CNTNAP5: variants seen among roughly 807,000 people sequenced by gnomAD.
CNTNAP5 encodes contactin-associated protein-like 5.
In CNTNAP5, 72 loss-of-function variants were observed where a neutral mutation model predicts 150.2. That is an observed-to-expected ratio of 0.48 (90% CI 0.40 to 0.58). The LOEUF (loss-of-function observed/expected upper bound fraction) is 0.58, where lower values mean the gene tolerates loss of function less well. Among genes scored for constraint, CNTNAP5 ranks in the 20% least tolerant of loss-of-function variants. CNTNAP5 has a pLI of 0.00. For synonymous variants in CNTNAP5, 672 were observed against 619.8 expected (o/e 1.08, Z -1.25); for missense variants, 1,636 against 1,626.2 (o/e 1.01, Z -0.10).
At chr2:124,497,307 G>A (rs1558927747) in intron 7 of CNTNAP5, among the ~76,000 whole-genome samples, 1 of 152,096 alleles carries the variant, frequency 6.6e-6, no homozygotes, top group African/African-American at 2.4e-5. Flanking sequence ...TTTGACTAGA[G>A]GTATAATGCC....
chr2:124,809,119 C>T (rs920802655), intron 19 of CNTNAP5, among the ~76,000 whole-genome samples: 2 of 152,078 alleles, frequency 1.3e-5, no homozygotes, highest in African/African-American at 4.8e-5. Context: ...GATCACCAGA[C>T]AGTAAAGCCC....
chr2:124,458,183 A>C (rs757890530), intron 6 of CNTNAP5, among the ~76,000 whole-genome samples: 1 of 137,608 alleles, frequency 7.3e-6, no homozygotes, highest in Non-Finnish European at 1.5e-5. Flanking sequence ...TCAATCAATT[A>C]GTGGATAAAG....
chr2:124,292,456 C>T (rs1001574005), intron 3 of CNTNAP5, among the ~76,000 whole-genome samples: 2 of 151,900 alleles, frequency 1.3e-5, no homozygotes, highest in Non-Finnish European at 2.9e-5. Context: ...TTTTAAAAAC[C>T]CATAATTACA....
chr2:124,372,798 A>G (rs1690560866), intron 3 of CNTNAP5, among the ~76,000 whole-genome samples: 1 of 152,240 alleles, frequency 6.6e-6, no homozygotes, highest in African/African-American at 2.4e-5. Flanking sequence ...TAACTGGTAC[A>G]TGTACCAAGA....
chr2:124,292,599 C>G (rs1183122722), intron 3 of CNTNAP5, among the ~76,000 whole-genome samples: 2 of 151,812 alleles, frequency 1.3e-5, no homozygotes, highest in Non-Finnish European at 2.9e-5. Context: ...TCAATCTGAT[C>G]ATAGATTGAA....
At position 124,149,403 on chromosome 2, in the gene CNTNAP5, C is replaced by CAAAAA. The variant is rs71394025; in HGVS notation, c.83-72283_83-72279dup. Among the ~76,000 whole-genome samples the CAAAAA allele has an allele frequency of 3.3e-3, 276 of 82,722 alleles. 9 individuals are homozygous for CAAAAA. The highest frequency in any genetic ancestry group is 4.8e-3 in the Non-Finnish European group (218 of 45,502). The allele number at this position is 82,722 out of a possible 152,430, so 54.3% of individuals were successfully genotyped here. A position where few individuals can be genotyped will look rare whatever the true frequency, so the allele number is the denominator to read the frequency against. ...ATGTGTTCCAAGATGGCGTCAATTG[C>CAAAAA]AAAAAAAAAAAAAAAAAAAAAAACT... On this transcript the variant is annotated intron_variant, in intron 1 of 23. Transcript: ENST00000682447.
At chr2:124,188,962 G>C (rs535152459) in intron 1 of CNTNAP5, among the ~76,000 whole-genome samples, 1 of 152,034 alleles carries the variant, frequency 6.6e-6, no homozygotes, top group Non-Finnish European at 1.5e-5. Flanking sequence ...ATCCAAGACC[G>C]CATATAATGG....
At chr2:124,129,697 G>A (rs1474297992) in intron 1 of CNTNAP5, among the ~76,000 whole-genome samples, 3 of 152,072 alleles carry the variant, frequency 2.0e-5, no homozygotes, top group Non-Finnish European at 4.4e-5. Flanking sequence ...CCCAACACAA[G>A]GTATTAGATT....
In CNTNAP5 at chr2:124,242,219, A is replaced by G; in HGVS notation, c.207A>G (p.Pro69=). Reference sequence around the variant, plus strand: ...TTCCAGGAACTGGCGGTTGGTCCCCAGCAGATTCCAATGCTCAACAGTGGC... The same window carrying G: ...TTCCAGGAACTGGCGGTTGGTCCCCGGCAGATTCCAATGCTCAACAGTGGC... The part of the protein sequence containing the change: ...NWRVGTGGWS[P]ADSNAQQWLQ... Residue 69 remains proline, a synonymous_variant, in exon 3 of 24, where the codon CCA becomes CCG. Transcript: ENST00000682447. The G allele has an allele frequency of 1.3e-6, 2 of 1,592,446 alleles. No individual in the cohort carries two copies. Among genetic ancestry groups the G allele is most frequent in the East Asian group, 2.3e-5 (1 of 43,854 alleles).
In CNTNAP5 at chr2:124,725,165, A is replaced by C. The variant is rs892277868; in HGVS notation, c.2078-22064A>C. Among the ~76,000 whole-genome samples, 25 of 152,010 alleles carry C rather than the reference A, an allele frequency of 1.6e-4. 1 individual carries two copies. Among genetic ancestry groups the C allele is most frequent in the Admixed American group, 8.5e-4 (13 of 15,254 alleles). ...TAAAATCTATTTCTGTGTGTAAGAAATGTGTGATGATGATTTTTTTCTTTT... is the reference window on the plus strand; with the variant it reads ...TAAAATCTATTTCTGTGTGTAAGAACTGTGTGATGATGATTTTTTTCTTTT... On this transcript the variant is annotated intron_variant, in intron 13 of 23. Transcript: ENST00000682447.
intron 13 of CNTNAP5, among the ~76,000 whole-genome samples, chr2:124,712,391 A>G (rs1679825921): frequency 6.6e-6 from 1 of 152,236 alleles, no homozygotes; most frequent in Admixed American, 6.5e-5. Context: ...AGAATGGTTC[A>G]GGATTTTGAC....
intron 1 of CNTNAP5, among the ~76,000 whole-genome samples, chr2:124,177,319 C>A (rs1439970116): frequency 1.3e-5 from 2 of 152,108 alleles, no homozygotes; most frequent in Non-Finnish European, 2.9e-5. Context: ...CAGAGAAAAT[C>A]TTTTGTTTCT....
chr2:124,524,307 C>T lies in CNTNAP5; in HGVS notation c.1332C>T (p.Ser444=), dbSNP rs375299973. 1.9e-4 allele frequency: 311 copies of T among 1,613,592 alleles called. No homozygotes were observed. The highest frequency in any genetic ancestry group is 2.6e-4 in the Non-Finnish European group (304 of 1,179,772). The change falls in exon 9 of 24, where the codon AGC becomes AGT. Residue 444 remains serine (S), a synonymous_variant. Transcript: ENST00000682447. ...ACTCTCTTGTTTCTCTTGCAGGCAG[C>T]AACTTGAATGATGGCCTGTGGCACT... ...TERVAEILTG[S]NLNDGLWHSV...
chr2:124,177,609 C>T (rs553493649), intron 1 of CNTNAP5, among the ~76,000 whole-genome samples: 131 of 152,180 alleles, frequency 8.6e-4, no homozygotes, highest in Non-Finnish European at 1.1e-3. Context: ...GAAACAGATA[C>T]ATGAATGTAT....
At position 124,427,100 on chromosome 2, in the gene CNTNAP5, T is replaced by G. The variant is rs914780528; in HGVS notation, c.530-7384T>G. On this transcript the variant is annotated intron_variant, in intron 4 of 23. Coordinates refer to ENST00000682447, the MANE Select transcript of CNTNAP5 (RefSeq NM_001367498.1). The stretch of plus-strand genomic sequence containing the variant: ...GAAAAAAGGGGAAGAAATTGTTCAC[T>G]CCAGGAAGTAAATATCTAACAGCTG... Among the ~76,000 whole-genome samples, 2 of 152,176 alleles carry G rather than the reference T, an allele frequency of 1.3e-5. 1 individual carries two copies. Among genetic ancestry groups the G allele is most frequent in the South Asian group, 4.1e-4 (2 of 4,824 alleles).
At chr2:124,273,232 C>T (rs74580542) in intron 3 of CNTNAP5, among the ~76,000 whole-genome samples, 1 of 152,260 alleles carries the variant, frequency 6.6e-6, no homozygotes, top group Non-Finnish European at 1.5e-5. Flanking sequence ...GCCTATTTCT[C>T]AGGTTATTTT....
intron 1 of CNTNAP5, among the ~76,000 whole-genome samples, chr2:124,082,812 C>G (rs1166799893): frequency 6.6e-6 from 1 of 152,012 alleles, no homozygotes. Flanking sequence ...TTGGTGTTGT[C>G]ACTATTTTTT....
At chr2:124,495,230 A>T (rs538977243) in intron 7 of CNTNAP5, among the ~76,000 whole-genome samples, 15 of 152,236 alleles carry the variant, frequency 9.9e-5, no homozygotes, top group Admixed American at 6.5e-5. Context: ...CCAGTTTTTT[A>T]TTATTATAAA....
intron 19 of CNTNAP5, among the ~76,000 whole-genome samples, chr2:124,840,787 T>C (rs1682928892): frequency 6.6e-6 from 1 of 152,096 alleles, no homozygotes; most frequent in African/African-American, 2.4e-5. Context: ...TAATTGACCA[T>C]CATTTATACT....
Sources: gnomAD v4.1 joint callset for allele counts (sites outside exome capture counted in the v4.1 genomes callset) on GRCh38, gnomAD v4.1.1 for gene constraint, MANE v1.5 for transcripts, NCBI Gene and HGNC (gene_info 2026-07-23, HGNC 2026-07-21) for gene names.